Variants in CSMD1 observed in about 807,000 individuals in gnomAD.
CSMD1 encodes the protein CUB and Sushi multiple domains 1, also known as CUB and sushi domain-containing protein 1.
Under a neutral mutation model 417.5 loss-of-function variants are expected in CSMD1, and 213 were observed. That is an observed-to-expected ratio of 0.51 (90% CI 0.46 to 0.57). CSMD1 has a LOEUF of 0.57. Among genes scored for constraint, CSMD1 ranks in the 20% least tolerant of loss-of-function variants. The pLI is 0.00. For missense variants in CSMD1, 6,923 were observed against 4,529.7 expected, an observed-to-expected ratio of 1.53 and a Z score of -15.17; for synonymous variants, 2,862 against 1,736.8, an observed-to-expected ratio of 1.65 and a Z score of -16.11.
At chr8:4,654,566 G>A (rs541277326) in intron 1 of CSMD1, among the ~76,000 whole-genome samples, 2 of 152,050 alleles carry the variant, frequency 1.3e-5, no homozygotes, top group Non-Finnish European at 2.9e-5. Flanking sequence ...AGGAATGGAG[G>A]GATGTTGGTC....
At chr8:4,439,033 C>G (rs1297541507) in intron 2 of CSMD1, among the ~76,000 whole-genome samples, 1 of 152,112 alleles carries the variant, frequency 6.6e-6, no homozygotes, top group African/African-American at 2.4e-5. Flanking sequence ...AAACTATATT[C>G]TTTTTAGTAA....
At chr8:4,468,165 C>G (rs552582789) in intron 2 of CSMD1, among the ~76,000 whole-genome samples, 2 of 152,142 alleles carry the variant, frequency 1.3e-5, no homozygotes, top group Non-Finnish European at 2.9e-5. Flanking sequence ...ATTTTCTGTG[C>G]TCTAACAGCA....
At chr8:3,487,503 T>C (rs766425815) in intron 11 of CSMD1, among the ~76,000 whole-genome samples, 14 of 152,166 alleles carry the variant, frequency 9.2e-5, no homozygotes, top group Non-Finnish European at 1.9e-4. Flanking sequence ...GCCCGGCCTA[T>C]CAGTATAAAT....
chr8:4,147,913 G>A (rs919834804), intron 3 of CSMD1, among the ~76,000 whole-genome samples: 3 of 152,068 alleles, frequency 2.0e-5, no homozygotes, highest in African/African-American at 2.4e-5. Context: ...AGCCTCGGAG[G>A]CTCCTGCAGC....
chr8:4,370,814 C>T (rs769540837), intron 3 of CSMD1, among the ~76,000 whole-genome samples: 11 of 152,142 alleles, frequency 7.2e-5, no homozygotes, highest in African/African-American at 2.7e-4. Flanking sequence ...GTTATGTTGG[C>T]TTCCAACTCT....
intron 3 of CSMD1, among the ~76,000 whole-genome samples, chr8:4,198,708 T>C (rs552812482): frequency 6.6e-6 from 1 of 152,290 alleles, no homozygotes; most frequent in South Asian, 2.1e-4. Context: ...GGATACTAAG[T>C]GTATTTTAAT....
At chr8:3,654,886 G>A (rs1585025476) in intron 7 of CSMD1, among the ~76,000 whole-genome samples, 1 of 152,150 alleles carries the variant, frequency 6.6e-6, no homozygotes, top group East Asian at 1.9e-4. Context: ...AACAGACTGG[G>A]AGACAGGAGC....
Position 3,396,227 on chromosome 8 carries a change from G to T in CSMD1, c.2560C>A (p.Arg854Ser). The T allele has an allele frequency of 6.4e-7, 1 of 1,570,088 alleles. No individual in the cohort carries two copies. Among genetic ancestry groups the T allele is most frequent in the African/African-American group, 1.3e-5 (1 of 74,102 alleles). ...TGGATGAGGAAGCCGATGCTGGAGC[G>T]GCTGTTGTCAGTGGTGAACAGCAGG... ...MYLLFTTDNSRSSIGFLIHYE... is the reference protein window; with the variant it reads ...MYLLFTTDNSSSSIGFLIHYE... The change falls in exon 17 of 70, where the codon CGC becomes AGC. Residue 854 changes from arginine to serine, a missense_variant. Transcript: ENST00000635120.
At chr8:3,213,043 T>C (rs569387122) in intron 30 of CSMD1, among the ~76,000 whole-genome samples, 4 of 152,076 alleles carry the variant, frequency 2.6e-5, no homozygotes, top group African/African-American at 9.6e-5. Flanking sequence ...TTAGCCATGG[T>C]CTCGAACTCC....
chr8:3,599,887 G>C (rs139252281), intron 8 of CSMD1, among the ~76,000 whole-genome samples: 5 of 152,270 alleles, frequency 3.3e-5, no homozygotes, highest in African/African-American at 9.6e-5. Context: ...TGAGATGGTT[G>C]ACTACCTTCC....
intron 2 of CSMD1, among the ~76,000 whole-genome samples, chr8:4,540,335 A>G (rs1340017131): frequency 2.0e-5 from 3 of 152,188 alleles, no homozygotes; most frequent in Non-Finnish European, 2.9e-5. Flanking sequence ...TTTCCATGCA[A>G]CCAAACACCA....
chr8:3,723,116 T>G (rs1344789141), intron 6 of CSMD1, among the ~76,000 whole-genome samples: 1 of 152,150 alleles, frequency 6.6e-6, no homozygotes, highest in East Asian at 1.9e-4. Flanking sequence ...AGGTTATTGG[T>G]GAAGTCCAAT....
intron 6 of CSMD1, among the ~76,000 whole-genome samples, chr8:3,734,235 G>A (rs938141953): frequency 2.6e-5 from 4 of 152,162 alleles, no homozygotes; most frequent in Non-Finnish European, 5.9e-5. Flanking sequence ...GGGAGCCTTC[G>A]GCTTCCTACT....
intron 3 of CSMD1, among the ~76,000 whole-genome samples, chr8:4,360,060 T>C (rs1162483892): frequency 1.3e-5 from 2 of 152,210 alleles, no homozygotes; most frequent in Non-Finnish European, 1.5e-5. Flanking sequence ...TCCTCTCGTC[T>C]CTGACCGCCT....
chr8:4,658,486 C>CA (rs1332965933), intron 1 of CSMD1, among the ~76,000 whole-genome samples: 1 of 152,046 alleles, frequency 6.6e-6, no homozygotes, highest in African/African-American at 2.4e-5. Flanking sequence ...AAAACAAAAA[C>CA]AAAAACTCTA....
chr8:4,066,712 T>C (rs1379505874), intron 3 of CSMD1, among the ~76,000 whole-genome samples: 1 of 152,172 alleles, frequency 6.6e-6, no homozygotes, highest in East Asian at 1.9e-4. Flanking sequence ...GATAGTATAT[T>C]TTGTTTGGGA....
intron 26 of CSMD1, among the ~76,000 whole-genome samples, chr8:3,254,387 C>T (rs900426531): frequency 1.2e-4 from 18 of 152,106 alleles, no homozygotes; most frequent in African/African-American, 4.3e-4. Flanking sequence ...ATATTTGTGG[C>T]ATTCTCTGTA....
intron 7 of CSMD1, among the ~76,000 whole-genome samples, chr8:3,634,414 T>C (rs1796932664): frequency 6.6e-6 from 1 of 152,206 alleles, no homozygotes; most frequent in Non-Finnish European, 1.5e-5. Flanking sequence ...TCTGCAATCC[T>C]CTGTGCGTGG....
chr8:4,343,823 T>G (rs1044716906), intron 3 of CSMD1, among the ~76,000 whole-genome samples: 2 of 152,144 alleles, frequency 1.3e-5, no homozygotes, highest in African/African-American at 4.8e-5. Flanking sequence ...GATGAGACAC[T>G]ACCACTTCAA....
Sources: gnomAD v4.1 joint callset for allele counts (sites outside exome capture counted in the v4.1 genomes callset) on GRCh38, gnomAD v4.1.1 for gene constraint, MANE v1.5 for transcripts, NCBI Gene and HGNC (gene_info 2026-07-23, HGNC 2026-07-21) for gene names.